Variants in SLC24A2 observed in about 807,000 individuals in gnomAD.
SLC24A2 encodes sodium/potassium/calcium exchanger 2.
Under a neutral mutation model 62.0 loss-of-function variants are expected in SLC24A2, and 36 were observed. The ratio of observed to expected loss-of-function variants is 0.58; its 90% CI spans 0.44 to 0.77. The LOEUF (loss-of-function observed/expected upper bound fraction) is 0.77, where lower values mean the gene tolerates loss of function less well. Among genes scored for constraint, SLC24A2 ranks in the 30% least tolerant of loss-of-function variants. SLC24A2 has a pLI of 0.00. For synonymous variants in SLC24A2, 358 were observed against 294.0 expected (o/e 1.22, Z -2.23); for missense variants, 846 against 817.9 (o/e 1.03, Z -0.42).
chr9:19,612,146 C>T (rs1251764971), intron 4 of SLC24A2, among the ~76,000 whole-genome samples: 9 of 152,148 alleles, frequency 5.9e-5, no homozygotes, highest in Non-Finnish European at 1.0e-4. Context: ...GTACCTGGTA[C>T]CTAGTAAGTG....
the SLC24A2 span, among the ~76,000 whole-genome samples, chr9:20,295,053 T>TATATATATATATATAC: frequency 6.9e-6 from 1 of 144,374 alleles, no homozygotes; most frequent in African/African-American, 2.6e-5. Flanking sequence ...TATATATATA[T>TATATATATATATATAC]ACACACACAC....
the SLC24A2 span, among the ~76,000 whole-genome samples, chr9:20,146,557 A>G: frequency 6.6e-6 from 1 of 152,254 alleles, no homozygotes; most frequent in Admixed American, 6.5e-5. Context: ...GGGAACATGC[A>G]GGCAGTAAAC....
chr9:19,726,755 A>T (rs896961302), intron 2 of SLC24A2, among the ~76,000 whole-genome samples: 1 of 152,214 alleles, frequency 6.6e-6, no homozygotes, highest in African/African-American at 2.4e-5. Context: ...GCAGTTTACC[A>T]ACTGTTCTAT....
At chr9:20,191,155 C>T in the SLC24A2 span, among the ~76,000 whole-genome samples, 1 of 121,148 alleles carries the variant, frequency 8.3e-6, no homozygotes, top group Admixed American at 9.3e-5. Flanking sequence ...ACCATGTTTT[C>T]CGGACCTTTT....
the SLC24A2 span, among the ~76,000 whole-genome samples, chr9:20,287,512 G>A: frequency 0.017 from 2,533 of 152,200 alleles, 71 homozygotes; most frequent in African/African-American, 0.057. Flanking sequence ...AGGGTTGGTA[G>A]CCTCTAGAAA....
At chr9:20,039,267 A>G in the SLC24A2 span, among the ~76,000 whole-genome samples, 3 of 152,174 alleles carry the variant, frequency 2.0e-5, no homozygotes, top group East Asian at 5.8e-4. Flanking sequence ...GTGTTCTGCT[A>G]TGTCTAGAGC....
At chr9:19,931,328 C>T in the SLC24A2 span, among the ~76,000 whole-genome samples, 29 of 152,284 alleles carry the variant, frequency 1.9e-4, no homozygotes, top group African/African-American at 7.0e-4. Flanking sequence ...GTAACTTCCA[C>T]ATTCAATACT....
intron 2 of SLC24A2, among the ~76,000 whole-genome samples, chr9:19,707,744 G>A (rs1421719612): frequency 3.3e-5 from 5 of 152,142 alleles, no homozygotes; most frequent in Non-Finnish European, 7.3e-5. Flanking sequence ...AGGTATTGAT[G>A]GGATGTATCT....
chr9:19,780,382 C>G (rs1772021411), intron 2 of SLC24A2, among the ~76,000 whole-genome samples: 1 of 151,258 alleles, frequency 6.6e-6, no homozygotes, highest in East Asian at 2.1e-4. Flanking sequence ...ATTCTTCTGC[C>G]TCAGCCTCCT....
intron 2 of SLC24A2, among the ~76,000 whole-genome samples, chr9:19,693,270 CAA>C (rs1187096025): frequency 6.6e-6 from 1 of 152,020 alleles, no homozygotes; most frequent in Non-Finnish European, 1.5e-5. Flanking sequence ...TTCACAATAG[CAA>C]AGACTTGGAA....
the SLC24A2 span, among the ~76,000 whole-genome samples, chr9:20,132,500 C>T: frequency 6.6e-6 from 1 of 152,060 alleles, no homozygotes; most frequent in Non-Finnish European, 1.5e-5. Context: ...GGAGACTAGA[C>T]TACATGGGTC....
upstream of SLC24A2, among the ~76,000 whole-genome samples, chr9:19,790,351 T>C (rs574001546): frequency 7.9e-5 from 12 of 152,290 alleles, no homozygotes; most frequent in South Asian, 1.9e-3. Context: ...GACAGTCATA[T>C]TTCATCTATA....
At chr9:20,195,654 T>C in the SLC24A2 span, among the ~76,000 whole-genome samples, 1 of 152,296 alleles carries the variant, frequency 6.6e-6, no homozygotes, top group African/African-American at 2.4e-5. Flanking sequence ...TTTAATGTTT[T>C]CCAGCCTGCC....
the SLC24A2 span, among the ~76,000 whole-genome samples, chr9:20,038,081 G>A: frequency 6.6e-6 from 1 of 152,090 alleles, no homozygotes; most frequent in African/African-American, 2.4e-5. Context: ...CAGCTCTTTG[G>A]GGTCATCTTA....
chr9:19,645,571 C>CT (rs1174649014), intron 2 of SLC24A2, among the ~76,000 whole-genome samples: 1 of 151,934 alleles, frequency 6.6e-6, no homozygotes, highest in East Asian at 1.9e-4. Flanking sequence ...AGAGATGGGG[C>CT]TTAGGATAGG....
chr9:19,657,218 G>A lies in SLC24A2; in HGVS notation c.931-34919C>T, dbSNP rs4977314. On this transcript the variant is annotated intron_variant, in intron 2 of 10. Coordinates refer to ENST00000341998, the MANE Select transcript of SLC24A2 (RefSeq NM_020344.4). ...GCATCTGTCGTGTATTGAGTGCTAC[G>A]CTTTAGGTGGAAACTCAACCTGGCA... is the stretch of plus-strand genomic sequence containing the variant. Among the ~76,000 whole-genome samples the A allele has an allele frequency of 3.9e-5, 6 of 151,972 alleles. No homozygotes were observed. In the East Asian group the frequency reaches 7.7e-4, roughly 20 times the overall value.
chr9:20,297,566 A>G, the SLC24A2 span, among the ~76,000 whole-genome samples: 1 of 152,220 alleles, frequency 6.6e-6, no homozygotes, highest in Non-Finnish European at 1.5e-5. Flanking sequence ...CACCTGCCTC[A>G]GGGACAGTGA....
the SLC24A2 span, among the ~76,000 whole-genome samples, chr9:20,286,938 G>T: frequency 3.2e-4 from 49 of 152,234 alleles, no homozygotes; most frequent in South Asian, 4.1e-4. Flanking sequence ...ATGATTATAA[G>T]GATGTAGATG....
the SLC24A2 span, among the ~76,000 whole-genome samples, chr9:20,177,245 TA>T: frequency 1.3e-5 from 2 of 151,912 alleles, no homozygotes; most frequent in African/African-American, 4.8e-5. Context: ...CTTTCAAAAG[TA>T]AAAAAAAGGC....
Sources: gnomAD v4.1 joint callset for allele counts (sites outside exome capture counted in the v4.1 genomes callset) on GRCh38, gnomAD v4.1.1 for gene constraint, MANE v1.5 for transcripts, NCBI Gene and HGNC (gene_info 2026-07-23, HGNC 2026-07-21) for gene names.